Variants in SLCO2A1 observed in about 807,000 individuals in gnomAD.
SLCO2A1 encodes matrin F/G 1.
A neutral mutation model predicts 71.7 loss-of-function variants in SLCO2A1; 60 were observed. The ratio of observed to expected loss-of-function variants is 0.84; its 90% CI spans 0.68 to 1.04. The LOEUF (loss-of-function observed/expected upper bound fraction) is 1.04, where lower values mean the gene tolerates loss of function less well. Ranked by LOEUF, SLCO2A1 falls within the 50% of genes least tolerant of loss-of-function variation. The probability of loss-of-function intolerance (pLI) is 0.00; values close to 1 mark genes in which losing one functional copy is unlikely to be tolerated. For missense variants in SLCO2A1, 745 were observed against 813.4 expected (o/e 0.92, Z 1.02); for synonymous variants, 308 against 326.7 (o/e 0.94, Z 0.62).
At chr3:133,961,874 C>T (rs971067368) in intron 3 of SLCO2A1, among the ~76,000 whole-genome samples, 2 of 152,116 alleles carry the variant, frequency 1.3e-5, no homozygotes, top group African/African-American at 4.8e-5. Flanking sequence ...AAGGGAACAG[C>T]AGTTAAATGC....
intron 11 of SLCO2A1, 139 bp downstream of exon 11, chr3:133,942,466 C>A (rs1933449622): frequency 6.8e-6 from 6 of 885,594 alleles, no homozygotes; most frequent in Non-Finnish European, 1.0e-5. Flanking sequence ...AGCAAAAGAA[C>A]CTTGCACATT....
At chr3:134,001,642 G>A (rs1393158413) in intron 1 of SLCO2A1, among the ~76,000 whole-genome samples, 5 of 152,032 alleles carry the variant, frequency 3.3e-5, no homozygotes, top group African/African-American at 1.2e-4. Flanking sequence ...GCAGGGTCTG[G>A]GTAAGGAAAG....
intron 1 of SLCO2A1, among the ~76,000 whole-genome samples, chr3:134,002,719 T>C (rs1935129501): frequency 6.6e-6 from 1 of 152,186 alleles, no homozygotes; most frequent in African/African-American, 2.4e-5. Context: ...GCATTTATAA[T>C]AAACTCTCAT....
At chr3:134,001,180 C>T (rs984865200) in intron 1 of SLCO2A1, among the ~76,000 whole-genome samples, 4 of 151,734 alleles carry the variant, frequency 2.6e-5, no homozygotes, top group Admixed American at 6.6e-5. Flanking sequence ...TGCAATGGCA[C>T]GATCTCAACT....
chr3:133,980,447 T>C (rs1031762534), intron 1 of SLCO2A1, among the ~76,000 whole-genome samples: 42 of 152,220 alleles, frequency 2.8e-4, no homozygotes, highest in African/African-American at 9.2e-4. Flanking sequence ...ATGATGTCCC[T>C]AGTTGGCTCC....
At chr3:133,985,099 T>C (rs1934683079) in intron 1 of SLCO2A1, among the ~76,000 whole-genome samples, 2 of 152,204 alleles carry the variant, frequency 1.3e-5, no homozygotes, top group African/African-American at 4.8e-5. Flanking sequence ...CCCGGTTGCT[T>C]TCAGTTCTCC....
chr3:133,970,197 C>T (rs917064063), intron 3 of SLCO2A1, among the ~76,000 whole-genome samples: 5 of 152,222 alleles, frequency 3.3e-5, no homozygotes, highest in Non-Finnish European at 7.3e-5. Flanking sequence ...TTAGTGATTA[C>T]TGCATGTGAC....
rs1933329681 is a variant in SLCO2A1, at chr3:133,938,451, C to G, written c.1668G>C (p.Gln556His). Residue 556 changes from glutamine to histidine, a missense_variant, in exon 12 of 14, where the codon CAG becomes CAC. Transcript: ENST00000310926. ...TACCCAGCAAGCGCATCAACAAGAA[C>G]TGCACCCCGATGGCAAATGACTTTT... ...QEEKSFAIGV[Q>H]FLLMRLLAWL... 7 of 1,614,166 alleles carry G rather than the reference C, an allele frequency of 4.3e-6. No individual in the cohort carries two copies. In the East Asian group the frequency reaches 1.3e-4, roughly 31 times the overall value.
intron 1 of SLCO2A1, among the ~76,000 whole-genome samples, chr3:133,997,370 C>T (rs1401780988): frequency 6.6e-6 from 1 of 152,184 alleles, no homozygotes; most frequent in East Asian, 1.9e-4. Flanking sequence ...GTGCTCATGA[C>T]CGTGACATTA....
Position 133,953,754 on chromosome 3 carries a change from T to TGAGATGGC in SLCO2A1, c.632_633insGCCATCTC (p.Phe212ProfsTer51). 2.5e-6 allele frequency: 4 copies of TGAGATGGC among 1,613,586 alleles called. No homozygotes were observed. The highest frequency in any genetic ancestry group is 3.4e-6 in the Non-Finnish European group (4 of 1,179,766). On this transcript the variant is annotated frameshift_variant, in exon 5 of 14. Coordinates refer to ENST00000310926, the MANE Select transcript of SLCO2A1 (RefSeq NM_005630.3). LOFTEE classifies it high-confidence loss of function. ...CCGGTCCAAATACAGAGATGGCAAA[T>TGAGATGGC]AAGATGGCTGGAAAAGGAAGTAAGG... is the stretch of plus-strand genomic sequence containing the variant.
chr3:133,953,627 TG>T, intron 5 of SLCO2A1, 35 bp downstream of exon 5: 1 of 1,544,842 alleles, frequency 6.5e-7, no homozygotes. Context: ...TTTATTGAGC[TG>T]GGGATGGGAA....
chr3:133,976,233 T>A (rs1348715954), intron 2 of SLCO2A1, among the ~76,000 whole-genome samples: 1 of 152,256 alleles, frequency 6.6e-6, no homozygotes, highest in African/African-American at 2.4e-5. Flanking sequence ...ATCTAGGACA[T>A]CCTGAAACCC....
At chr3:133,940,507 A>G (rs1015311502) in intron 11 of SLCO2A1, among the ~76,000 whole-genome samples, 1 of 152,102 alleles carries the variant, frequency 6.6e-6, no homozygotes, top group African/African-American at 2.4e-5. Flanking sequence ...CTGGGAGGTG[A>G]TTTGACAGGG....
intron 1 of SLCO2A1, among the ~76,000 whole-genome samples, chr3:134,002,326 G>A (rs1935122309): frequency 6.6e-6 from 1 of 152,198 alleles, no homozygotes; most frequent in Non-Finnish European, 1.5e-5. Context: ...CTCAGGGACT[G>A]AGGTTCACAG....
At chr3:133,958,931 G>A (rs761804303) in intron 3 of SLCO2A1, among the ~76,000 whole-genome samples, 2 of 152,178 alleles carry the variant, frequency 1.3e-5, no homozygotes, top group Non-Finnish European at 1.5e-5. Flanking sequence ...TCTGTGGCAC[G>A]TTGTCTCATA....
chr3:133,966,636 T>C (rs1458349426), intron 3 of SLCO2A1, among the ~76,000 whole-genome samples: 1 of 152,236 alleles, frequency 6.6e-6, no homozygotes, highest in Non-Finnish European at 1.5e-5. Context: ...ACATCCTCTC[T>C]GACTGTGTCC....
At chr3:133,970,921 G>A (rs1448508818) in intron 3 of SLCO2A1, among the ~76,000 whole-genome samples, 1 of 152,294 alleles carries the variant, frequency 6.6e-6, no homozygotes, top group East Asian at 1.9e-4. Flanking sequence ...GAACAGCACA[G>A]TGTTTCCTTC....
At chr3:134,004,960 T>C (rs1935177182) in intron 1 of SLCO2A1, among the ~76,000 whole-genome samples, 1 of 152,230 alleles carries the variant, frequency 6.6e-6, no homozygotes, top group African/African-American at 2.4e-5. Flanking sequence ...ATTTGTCAAA[T>C]TGGGGGCTTT....
intron 1 of SLCO2A1, among the ~76,000 whole-genome samples, chr3:133,987,434 G>C (rs756685707): frequency 6.6e-6 from 1 of 151,694 alleles, no homozygotes; most frequent in Non-Finnish European, 1.5e-5. Context: ...CCTTTCTATT[G>C]TTCCCAGGTC....
Sources: allele counts gnomAD v4.1 joint callset (sites outside exome capture counted in the v4.1 genomes callset), GRCh38; gene constraint gnomAD v4.1.1; transcripts MANE v1.5; gene names NCBI Gene and HGNC (gene_info 2026-07-23, HGNC 2026-07-21).